CALN1: variants seen among roughly 807,000 people sequenced by gnomAD.
CALN1 encodes calneuron 1.
In CALN1, 17 loss-of-function variants were observed where a neutral mutation model predicts 30.6. The observed-to-expected ratio is 0.56, with a 90% CI of 0.38 to 0.83. CALN1 has a LOEUF of 0.83. Among genes scored for constraint, CALN1 ranks in the 40% least tolerant of loss-of-function variants. CALN1 has a pLI of 0.00. For synonymous variants in CALN1, 156 were observed against 131.4 expected, an observed-to-expected ratio of 1.19 and a Z score of -1.28; for missense variants, 291 against 354.9, an observed-to-expected ratio of 0.82 and a Z score of 1.45.
chr7:72,361,249 G>A (rs1803551694), intron 2 of CALN1, among the ~76,000 whole-genome samples: 1 of 152,102 alleles, frequency 6.6e-6, no homozygotes, highest in Non-Finnish European at 1.5e-5. Context: ...AGATCCAAAG[G>A]CCAAGCCTCC....
intron 2 of CALN1, among the ~76,000 whole-genome samples, chr7:72,294,089 C>T (rs1157628127): frequency 1.3e-5 from 2 of 151,982 alleles, no homozygotes; most frequent in Non-Finnish European, 2.9e-5. Flanking sequence ...CAGAGCATAT[C>T]CACAAAAAAA....
chr7:71,799,445 A>AG lies in CALN1; in HGVS notation c.658+10890_658+10891insC, dbSNP rs1341408248. Among the ~76,000 whole-genome samples, 39 of 140,004 alleles carry AG rather than the reference A, an allele frequency of 2.8e-4. 1 individual carries two copies. The highest frequency in any genetic ancestry group is 1.1e-3 in the African/African-American group (38 of 34,834). 91.8% of individuals were successfully genotyped at this position (140,004 alleles called of 152,430 possible). The stretch of plus-strand genomic sequence containing the variant: ...TTTTTATTTATTTATTTATTTATTT[A>AG]TTTATTTAGTTAGTTAGTTAGTTAG... On this transcript the variant is annotated intron_variant, in intron 6 of 6. Coordinates refer to ENST00000395275, the MANE Select transcript of CALN1 (RefSeq NM_031468.4).
chr7:71,963,674 T>A (rs552187585), intron 5 of CALN1, among the ~76,000 whole-genome samples: 5 of 152,174 alleles, frequency 3.3e-5, no homozygotes, highest in Non-Finnish European at 7.3e-5. Context: ...TTTTTTCCCT[T>A]ACCCCCTTGG....
At chr7:72,285,666 A>T (rs1798038099) in intron 2 of CALN1, among the ~76,000 whole-genome samples, 1 of 152,210 alleles carries the variant, frequency 6.6e-6, no homozygotes, top group South Asian at 2.1e-4. Flanking sequence ...TGTTGTATAG[A>T]TTTCTGGTAA....
At chr7:72,473,574 T>C in the CALN1 span, among the ~76,000 whole-genome samples, 1 of 152,200 alleles carries the variant, frequency 6.6e-6, no homozygotes, top group East Asian at 1.9e-4. Context: ...ATTTAACTTA[T>C]TAATGAAATA....
chr7:72,486,087 C>T, the CALN1 span, among the ~76,000 whole-genome samples: 1 of 152,126 alleles, frequency 6.6e-6, no homozygotes, highest in Non-Finnish European at 1.5e-5. Context: ...CTAGATGATA[C>T]AGCCTATTGC....
chr7:72,492,952 A>G, the CALN1 span, among the ~76,000 whole-genome samples: 1 of 152,204 alleles, frequency 6.6e-6, no homozygotes, highest in African/African-American at 2.4e-5. Context: ...TAAATGTAAA[A>G]ATGTAGCTGA....
intron 3 of CALN1, among the ~76,000 whole-genome samples, chr7:72,123,042 A>G (rs1192417093): frequency 3.3e-5 from 5 of 152,168 alleles, no homozygotes; most frequent in Non-Finnish European, 5.9e-5. Context: ...CTGCATAGCC[A>G]AGAGAGAATT....
At chr7:72,487,143 T>C in the CALN1 span, among the ~76,000 whole-genome samples, 19 of 152,072 alleles carry the variant, frequency 1.2e-4, no homozygotes, top group Non-Finnish European at 2.5e-4. Flanking sequence ...CTCAAACTCT[T>C]TGGGCTCAAG....
intron 3 of CALN1, among the ~76,000 whole-genome samples, chr7:72,249,948 A>AC (rs1221582856): frequency 2.2e-5 from 3 of 137,182 alleles, no homozygotes; most frequent in Non-Finnish European, 5.0e-5. Flanking sequence ...AAACAAACCA[A>AC]AAAAAAAAAA....
chr7:72,368,447 T>C (rs567663260), intron 2 of CALN1, among the ~76,000 whole-genome samples: 1 of 152,162 alleles, frequency 6.6e-6, no homozygotes, highest in Admixed American at 6.6e-5. Flanking sequence ...CTGCACGACT[T>C]TGGCTTCTTT....
At chr7:72,256,016 C>T (rs1261102767) in intron 3 of CALN1, among the ~76,000 whole-genome samples, 1 of 152,244 alleles carries the variant, frequency 6.6e-6, no homozygotes, top group Non-Finnish European at 1.5e-5. Flanking sequence ...GCGTGAGCCA[C>T]CGCGCCCTGC....
At chr7:72,329,577 C>G (rs1801522180) in intron 2 of CALN1, among the ~76,000 whole-genome samples, 1 of 152,234 alleles carries the variant, frequency 6.6e-6, no homozygotes, top group South Asian at 2.1e-4. Context: ...GCTGTTCCCA[C>G]ACCCTGGAAG....
chr7:72,251,053 T>C (rs1165143038), intron 3 of CALN1, among the ~76,000 whole-genome samples: 1 of 152,140 alleles, frequency 6.6e-6, no homozygotes, highest in African/African-American at 2.4e-5. Context: ...ACCAATCATC[T>C]TGGAGCTGAG....
intron 3 of CALN1, among the ~76,000 whole-genome samples, chr7:72,274,933 AGAAGG>A (rs1218747571): frequency 6.6e-6 from 1 of 152,142 alleles, no homozygotes; most frequent in Admixed American, 6.6e-5. Flanking sequence ...GGGACTTCCC[AGAAGG>A]GAATTGCAGC....
intron 5 of CALN1, among the ~76,000 whole-genome samples, chr7:71,847,970 T>A (rs986409747): frequency 2.0e-5 from 3 of 152,150 alleles, no homozygotes; most frequent in Non-Finnish European, 4.4e-5. Context: ...CATGTGGAAC[T>A]GTGAGTCCAT....
chr7:71,883,335 A>G (rs74301514), intron 5 of CALN1, among the ~76,000 whole-genome samples: 19,054 of 152,110 alleles, frequency 0.13, 1,766 homozygotes, highest in East Asian at 0.43. Context: ...GATCGCTTGA[A>G]GCCAGGGGTT....
chr7:71,910,774 CG>C (rs1047522159), intron 5 of CALN1, among the ~76,000 whole-genome samples: 27 of 152,092 alleles, frequency 1.8e-4, no homozygotes, highest in African/African-American at 2.4e-5. Context: ...TTTCCTGCAC[CG>C]TTTTTTTCTC....
chr7:71,837,937 G>A (rs1789717515), intron 5 of CALN1, among the ~76,000 whole-genome samples: 1 of 151,668 alleles, frequency 6.6e-6, no homozygotes. Context: ...AAGGAGGGGG[G>A]TGGGAGAAGT....
Sources: gnomAD v4.1 joint callset for allele counts (sites outside exome capture counted in the v4.1 genomes callset) on GRCh38, gnomAD v4.1.1 for gene constraint, MANE v1.5 for transcripts, NCBI Gene and HGNC (gene_info 2026-07-23, HGNC 2026-07-21) for gene names.